The following PPFIA2 variants were observed in gnomAD, a reference collection of about 807,000 sequenced individuals.
The protein encoded by PPFIA2 is liprin-alpha-2.
In PPFIA2, 46 loss-of-function variants were observed where a neutral mutation model predicts 175.5. The observed-to-expected ratio is 0.26, with a 90% CI of 0.21 to 0.34. The LOEUF (loss-of-function observed/expected upper bound fraction) is 0.34, where lower values mean the gene tolerates loss of function less well. Among genes scored for constraint, PPFIA2 ranks in the 10% least tolerant of loss-of-function variants. PPFIA2 has a pLI of 1.00. For synonymous variants in PPFIA2, 568 were observed against 511.4 expected, an observed-to-expected ratio of 1.11 and a Z score of -1.49; for missense variants, 1,179 against 1,506.1, an observed-to-expected ratio of 0.78 and a Z score of 3.60.
rs547805124 is a variant in PPFIA2 at position 81,496,571 on chromosome 12, T to C, written c.304-38705A>G. Among the ~76,000 whole-genome samples, 6 of 152,152 alleles carry C rather than the reference T, an allele frequency of 3.9e-5. 1 individual carries two copies. The South Asian group carries it at 1.0e-3, about 26-fold the overall frequency. On this transcript the variant is annotated intron_variant, in intron 4 of 32. Coordinates refer to ENST00000549396, the MANE Select transcript of PPFIA2 (RefSeq NM_003625.5). Reference sequence around the variant, plus strand: ...CAGCAAAATGTGTTGAGGAAAGAAATAGATGAGGTAAATGTGGCAAAACAA... The same window carrying C: ...CAGCAAAATGTGTTGAGGAAAGAAACAGATGAGGTAAATGTGGCAAAACAA...
intron 28 of PPFIA2, among the ~76,000 whole-genome samples, chr12:81,271,242 AT>A (rs1451533287): frequency 1.3e-5 from 2 of 151,498 alleles, no homozygotes; most frequent in African/African-American, 4.9e-5. Flanking sequence ...TTGTTTTCTT[AT>A]TTTATTCTAC....
chr12:81,302,877 C>A (rs2048212984), intron 22 of PPFIA2, among the ~76,000 whole-genome samples: 1 of 152,006 alleles, frequency 6.6e-6, no homozygotes, highest in African/African-American at 2.4e-5. Context: ...GCAATGTGGG[C>A]AATGCTATAA....
chr12:81,311,693 A>C (rs901948441), intron 22 of PPFIA2, among the ~76,000 whole-genome samples: 15 of 147,804 alleles, frequency 1.0e-4, no homozygotes, highest in African/African-American at 3.0e-4. Flanking sequence ...AGATCGCGCC[A>C]CTGCACTCCA....
intron 4 of PPFIA2, among the ~76,000 whole-genome samples, chr12:81,542,486 T>C (rs1318357562): frequency 6.6e-6 from 1 of 152,198 alleles, no homozygotes; most frequent in Non-Finnish European, 1.5e-5. Context: ...TTTATAAATA[T>C]GTGCATATAC....
At chr12:81,299,931 T>A (rs894032494) in intron 22 of PPFIA2, among the ~76,000 whole-genome samples, 12 of 152,148 alleles carry the variant, frequency 7.9e-5, no homozygotes, top group African/African-American at 2.9e-4. Flanking sequence ...AAACTACATC[T>A]CACTTGGAGA....
intron 4 of PPFIA2, among the ~76,000 whole-genome samples, chr12:81,554,646 C>T (rs2068524209): frequency 6.6e-6 from 1 of 152,012 alleles, no homozygotes; most frequent in African/African-American, 2.4e-5. Context: ...TTTTAATTTG[C>T]TCATGTCCTC....
chr12:81,650,947 AGAAGT>A (rs1326683167), intron 4 of PPFIA2, among the ~76,000 whole-genome samples: 2 of 152,246 alleles, frequency 1.3e-5, no homozygotes, highest in Non-Finnish European at 2.9e-5. Flanking sequence ...AGAGGGCAAG[AGAAGT>A]GAAGAATGAA....
At chr12:81,601,795 G>A (rs561896071) in intron 4 of PPFIA2, among the ~76,000 whole-genome samples, 35 of 151,696 alleles carry the variant, frequency 2.3e-4, no homozygotes, top group Non-Finnish European at 2.9e-4. Flanking sequence ...GCCTCTCTTT[G>A]TCAAAATTTA....
chr12:81,527,878 G>A (rs927466521), intron 4 of PPFIA2, among the ~76,000 whole-genome samples: 5 of 152,032 alleles, frequency 3.3e-5, no homozygotes, highest in Non-Finnish European at 5.9e-5. Context: ...AAAATCTGCT[G>A]GGCTTTCACC....
At chr12:81,270,560 T>C (rs1386229597) in intron 28 of PPFIA2, 12 of 152,160 alleles carry the variant, frequency 7.9e-5, no homozygotes, top group Non-Finnish European at 1.5e-4. Context: ...AAGGCAGGGA[T>C]CGTGGCGATG....
intron 3 of PPFIA2, among the ~76,000 whole-genome samples, chr12:81,680,368 GT>G (rs2073380354): frequency 6.6e-6 from 1 of 151,924 alleles, no homozygotes; most frequent in African/African-American, 2.4e-5. Context: ...AGGTTAGATA[GT>G]TTACATGACT....
At chr12:81,276,050 C>T (rs1026687440) in intron 28 of PPFIA2, among the ~76,000 whole-genome samples, 4 of 152,158 alleles carry the variant, frequency 2.6e-5, no homozygotes, top group Admixed American at 6.6e-5. Context: ...TCCCAAAGTG[C>T]TGCGATTACA....
At chr12:81,741,116 G>A (rs2082266457) in intron 3 of PPFIA2, among the ~76,000 whole-genome samples, 1 of 152,068 alleles carries the variant, frequency 6.6e-6, no homozygotes, top group Non-Finnish European at 1.5e-5. Flanking sequence ...TTCCTTCAAA[G>A]CAAATCATAT....
At chr12:81,663,895 A>G (rs903072607) in intron 4 of PPFIA2, among the ~76,000 whole-genome samples, 43 of 152,194 alleles carry the variant, frequency 2.8e-4, no homozygotes, top group Non-Finnish European at 2.4e-4. Context: ...CACATCTACA[A>G]CCATCTGATG....
Position 81,274,137 on chromosome 12 carries a change from T to C in PPFIA2, c.3310+3180A>G, listed in dbSNP as rs750203500. Among the ~76,000 whole-genome samples the C allele has an allele frequency of 3.9e-5, 6 of 152,136 alleles. 1 individual carries two copies. In the East Asian group the frequency reaches 1.2e-3, roughly 29 times the overall value. ...GTTACTGATTCATTCTAACAACTGG[T>C]TACCCTACACTTGAATCCCAAAAGC... On this transcript the variant is annotated intron_variant, in intron 28 of 32. Coordinates refer to ENST00000549396, the MANE Select transcript of PPFIA2 (RefSeq NM_003625.5).
chr12:81,343,628 C>T (rs1030019741), intron 19 of PPFIA2, among the ~76,000 whole-genome samples: 2 of 151,950 alleles, frequency 1.3e-5, no homozygotes, highest in Non-Finnish European at 2.9e-5. Flanking sequence ...TAGATTTTTG[C>T]ACTGAATAGA....
At chr12:81,682,579 C>G (rs2073830035) in intron 3 of PPFIA2, among the ~76,000 whole-genome samples, 1 of 151,874 alleles carries the variant, frequency 6.6e-6, no homozygotes, top group South Asian at 2.1e-4. Flanking sequence ...AGTAAAATGA[C>G]CATTTCTGTC....
chr12:81,480,589 T>C (rs1477081266), intron 4 of PPFIA2, among the ~76,000 whole-genome samples: 1 of 152,110 alleles, frequency 6.6e-6, no homozygotes, highest in Non-Finnish European at 1.5e-5. Context: ...TCGGATGGGG[T>C]TTCTGTGTGG....
intron 24 of PPFIA2, among the ~76,000 whole-genome samples, chr12:81,291,874 G>T (rs1285817187): frequency 6.6e-6 from 1 of 152,012 alleles, no homozygotes; most frequent in Non-Finnish European, 1.5e-5. Context: ...CTGACCAAAA[G>T]GAAAGATGTT....
Sources: allele counts gnomAD v4.1 joint callset (sites outside exome capture counted in the v4.1 genomes callset), GRCh38; gene constraint gnomAD v4.1.1; transcripts MANE v1.5; gene names NCBI Gene and HGNC (gene_info 2026-07-23, HGNC 2026-07-21).